PACRGL: variants seen among roughly 807,000 people sequenced by gnomAD.
PACRGL encodes PACRG-like protein.
PACRGL carries 38 observed loss-of-function variants against 34.5 expected under a neutral mutation model. The observed-to-expected ratio is 1.10, with a 90% CI of 0.85 to 1.44. PACRGL has a LOEUF of 1.44. Ranked by LOEUF, PACRGL falls within the 40% of genes most tolerant of loss-of-function variation. The pLI, the probability that PACRGL is intolerant of heterozygous loss-of-function variation, is 0.00. For synonymous variants in PACRGL, 128 were observed against 100.1 expected (o/e 1.28, Z -1.66); for missense variants, 305 against 281.4 (o/e 1.08, Z -0.60).
At position 20,730,398 on chromosome 4, in the gene PACRGL, A is replaced by C. The variant is rs1426882; in HGVS notation, c.*3057A>C. On this transcript the variant is annotated 3_prime_UTR_variant, in exon 9 of 9. Coordinates refer to ENST00000503585, the MANE Select transcript of PACRGL (RefSeq NM_001258345.3). ...AATCTTTACTTGGTATTAATAGAGG[A>C]TATTTCTCAAATCATAATGCCAAAA... 0.17 allele frequency among the ~76,000 whole-genome samples: 25,621 copies of C among 152,200 alleles called. 2,242 individuals carry two copies. The highest frequency in any genetic ancestry group is 0.23 in the Middle Eastern group (69 of 294).
intron 5 of PACRGL, among the ~76,000 whole-genome samples, chr4:20,710,560 T>C (rs1736705209): frequency 6.6e-6 from 1 of 152,196 alleles, no homozygotes; most frequent in South Asian, 2.1e-4. Flanking sequence ...GATAGTTTTA[T>C]TTAGATTAGT....
Position 20,707,803 on chromosome 4 carries a change from T to C in PACRGL, c.208T>C (p.Phe70Leu), listed in dbSNP as rs1735225313. 2 of 1,612,880 alleles carry C rather than the reference T, an allele frequency of 1.2e-6. No homozygotes were observed. Among genetic ancestry groups the C allele is most frequent in the East Asian group, 2.2e-5 (1 of 44,874 alleles). ...DKLNPKTINPFGEQSRVPSAF... is the reference protein window; with the variant it reads ...DKLNPKTINPLGEQSRVPSAF... ...GTAATATTTTCATTTTTTATTTTAG[T>C]TTGGTGAACAGTCACGAGTGCCTTC... The change falls in exon 4 of 9, where the codon TTT becomes CTT. Residue 70 changes from phenylalanine to leucine, a missense_variant and splice_region_variant. Phe to Leu is a conservative substitution (Grantham distance 22). Transcript: ENST00000503585.
chr4:20,737,543 T>A (rs1578440912), downstream of PACRGL, among the ~76,000 whole-genome samples: 1 of 151,926 alleles, frequency 6.6e-6, no homozygotes, highest in Admixed American at 6.6e-5. Context: ...CAGAAGAACA[T>A]GGTGTGGATG....
At chr4:20,766,489 C>G in the PACRGL span, among the ~76,000 whole-genome samples, 1 of 152,308 alleles carries the variant, frequency 6.6e-6, no homozygotes, top group Non-Finnish European at 1.5e-5. Flanking sequence ...TCACTTGAAT[C>G]TGGGAGATGG....
downstream of PACRGL, among the ~76,000 whole-genome samples, chr4:20,756,735 C>A (rs1462484029): frequency 6.6e-6 from 1 of 152,038 alleles, no homozygotes; most frequent in African/African-American, 2.4e-5. Context: ...CCCAAAGAGA[C>A]CTTCTGATCC....
chr4:20,754,941 C>T (rs1187582122), downstream of PACRGL, among the ~76,000 whole-genome samples: 1 of 152,090 alleles, frequency 6.6e-6, no homozygotes, highest in Non-Finnish European at 1.5e-5. Flanking sequence ...GGTAGGCACT[C>T]AGATAGTAAA....
At chr4:20,759,093 T>C in the PACRGL span, among the ~76,000 whole-genome samples, 1 of 152,188 alleles carries the variant, frequency 6.6e-6, no homozygotes, top group African/African-American at 2.4e-5. Context: ...TAGATGTAAA[T>C]ATCTTTGCAT....
intron 8 of PACRGL, among the ~76,000 whole-genome samples, chr4:20,739,859 G>A (rs1032950288): frequency 1.3e-5 from 2 of 152,206 alleles, no homozygotes; most frequent in Admixed American, 1.3e-4. Context: ...AAGATTAGAC[G>A]AATGGCTGAC....
rs530426637 is a variant in PACRGL at position 20,724,314 on chromosome 4, C to T, written c.610-494C>T. Among the ~76,000 whole-genome samples, 9 of 152,236 alleles carry T rather than the reference C, an allele frequency of 5.9e-5. No homozygotes were observed. In the South Asian group the frequency reaches 6.2e-4, roughly 11 times the overall value. ...GGCCCATGGATCTGCATGTAAACCT[C>T]TGTGCTATACAGAGTGTATACAGAT... On this transcript the variant is annotated intron_variant, in intron 7 of 8. Transcript: ENST00000503585.
rs935751546 is a variant in PACRGL, at chr4:20,730,272, A to G, written c.*2931A>G. 9.5e-7 allele frequency: 1 copy of G among 1,052,256 alleles called. No individual in the cohort carries two copies. The highest frequency in any genetic ancestry group is 1.6e-5 in the African/African-American group (1 of 61,398). 65.2% of individuals were successfully genotyped at this position (1,052,256 alleles called of 1,614,324 possible). On this transcript the variant is annotated 3_prime_UTR_variant, in exon 9 of 9. Transcript: ENST00000503585. Reference sequence around the variant, plus strand: ...TCAAATATTAAGTGTTTGCAAATGTAAATGCCATTCTATTCTATCCATTTT... The same window carrying G: ...TCAAATATTAAGTGTTTGCAAATGTGAATGCCATTCTATTCTATCCATTTT...
At chr4:20,764,714 A>G in the PACRGL span, among the ~76,000 whole-genome samples, 528 of 148,284 alleles carry the variant, frequency 3.6e-3, 5 homozygotes, top group African/African-American at 0.012. Flanking sequence ...ACACAACCCC[A>G]TGAACAAACA....
At position 20,711,858 on chromosome 4, in the gene PACRGL, T is replaced by C. The variant is rs145505409; in HGVS notation, c.367-930T>C. ...TCATACTGCATTTCAGTATTACAAA[T>C]GACATTTAAAATCTTAACATGCCTT... On this transcript the variant is annotated intron_variant, in intron 5 of 8. Coordinates refer to ENST00000503585, the MANE Select transcript of PACRGL (RefSeq NM_001258345.3). Among the ~76,000 whole-genome samples the C allele has an allele frequency of 1.2e-3, 185 of 152,290 alleles. 1 individual carries two copies. Among genetic ancestry groups the C allele is most frequent in the Admixed American group, 9.6e-3 (147 of 15,284 alleles).
At chr4:20,699,946 A>T (rs1338531843), upstream of PACRGL, among the ~76,000 whole-genome samples, 1 of 152,224 alleles carries the variant, frequency 6.6e-6, no homozygotes, top group Non-Finnish European at 1.5e-5. Context: ...TGAGATTCAT[A>T]AAATACGACA....
At chr4:20,734,897 A>G (rs1188396468), downstream of PACRGL, among the ~76,000 whole-genome samples, 1 of 152,214 alleles carries the variant, frequency 6.6e-6, no homozygotes, top group Non-Finnish European at 1.5e-5. Context: ...CTCTGTGGGC[A>G]TAAATCACTC....
intron 7 of PACRGL, among the ~76,000 whole-genome samples, chr4:20,720,470 G>A (rs571566120): frequency 1.1e-4 from 16 of 152,332 alleles, no homozygotes; most frequent in African/African-American, 3.6e-4. Flanking sequence ...GCTGGTACAG[G>A]TTGTTCCTTT....
chr4:20,757,491 C>T (rs1204885258), downstream of PACRGL, among the ~76,000 whole-genome samples: 1 of 152,128 alleles, frequency 6.6e-6, no homozygotes, highest in East Asian at 1.9e-4. Context: ...ATATGGCATC[C>T]TTGACTCTCT....
chr4:20,703,477 AGTGT>A (rs34932810), intron 1 of PACRGL, among the ~76,000 whole-genome samples: 36,227 of 141,362 alleles, frequency 0.26, 4,322 homozygotes, highest in East Asian at 0.31. Context: ...TGGGTATATG[AGTGT>A]GTGTGTGTGT....
At chr4:20,752,147 C>T (rs1486795918) in intron 8 of PACRGL, among the ~76,000 whole-genome samples, 4 of 151,602 alleles carry the variant, frequency 2.6e-5, no homozygotes, top group Admixed American at 1.3e-4. Flanking sequence ...CAGCCTCCAC[C>T]TCCTGGGTTC....
downstream of PACRGL, among the ~76,000 whole-genome samples, chr4:20,735,756 C>T (rs897924935): frequency 2.0e-5 from 3 of 152,104 alleles, no homozygotes; most frequent in South Asian, 4.2e-4. Context: ...AGGTTGGTGT[C>T]GAACTCCTGA....
Sources: allele counts gnomAD v4.1 joint callset (sites outside exome capture counted in the v4.1 genomes callset), GRCh38; gene constraint gnomAD v4.1.1; transcripts MANE v1.5; gene names NCBI Gene and HGNC (gene_info 2026-07-23, HGNC 2026-07-21).